FAM170A: variants seen among roughly 807,000 people sequenced by gnomAD.
The protein encoded by FAM170A is family with sequence similarity 170 member A.
FAM170A carries 28 observed loss-of-function variants against 36.6 expected under a neutral mutation model. That is an observed-to-expected ratio of 0.76 (90% CI 0.57 to 1.05). FAM170A has a LOEUF of 1.05. Ranked by LOEUF, FAM170A falls within the 50% of genes least tolerant of loss-of-function variation. The pLI is 0.00. For missense variants in FAM170A, 434 were observed against 396.5 expected (o/e 1.09, Z -0.80); for synonymous variants, 156 against 143.9 (o/e 1.08, Z -0.60).
At chr5:119,633,868 CCTGTCT>C in intron 2 of FAM170A, 86 bp from the exon 3 acceptor site, 1 of 1,484,234 alleles carries the variant, frequency 6.7e-7, no homozygotes, top group East Asian at 2.3e-5. Context: ...CACCACAGTC[CCTGTCT>C]CCTGCACCAC....
intron 1 of FAM170A, among the ~76,000 whole-genome samples, chr5:119,630,240 C>T (rs578061585): frequency 3.4e-4 from 46 of 133,982 alleles, no homozygotes; most frequent in Admixed American, 8.6e-4. Context: ...CTGCAAGCTC[C>T]GCCTCCCAGG....
chr5:119,633,977 C>A lies in FAM170A; in HGVS notation c.229C>A (p.Arg77=), dbSNP rs745479291. The A allele has an allele frequency of 6.2e-6, 10 of 1,610,896 alleles. No homozygotes were observed. The Admixed American group carries it at 1.7e-4, about 27-fold the overall frequency. Residue 77 remains arginine (R), a synonymous_variant, in exon 3 of 5, where the codon CGA becomes AGA. Coordinates refer to ENST00000613773, the Ensembl canonical transcript of FAM170A. ...TTTCCCAGGAATCCAGAGAATACAT[C>A]GAGACAGCCCCCAGCCTCAATCACC...
chr5:119,633,890 T>C, intron 2 of FAM170A, 70 bp from the exon 3 acceptor site: 2 of 1,543,704 alleles, frequency 1.3e-6, no homozygotes, highest in Non-Finnish European at 1.7e-6. Context: ...ACCACACATA[T>C]TTAACTTACG....
At chr5:119,629,982 C>G in intron 1 of FAM170A, 144 bp downstream of exon 1, 1 of 576,834 alleles carries the variant, frequency 1.7e-6, no homozygotes, top group African/African-American at 1.9e-5. Flanking sequence ...AGCTCTGCCT[C>G]TCGGGTTCAC....
At chr5:119,632,979 G>T (rs1384078919) in intron 2 of FAM170A, 91 bp downstream of exon 2, 1 of 1,398,812 alleles carries the variant, frequency 7.1e-7, no homozygotes, top group Non-Finnish European at 9.6e-7. Context: ...CTGTGGGCAT[G>T]AGACTCTTTG....
rs1756343183 is a variant in FAM170A, at chr5:119,634,741, A to C, written c.986+7A>C. 1.3e-6 allele frequency: 2 copies of C among 1,530,156 alleles called. No homozygotes were observed. Among genetic ancestry groups the C allele is most frequent in the African/African-American group, 2.8e-5 (2 of 72,152 alleles). 94.8% of individuals were successfully genotyped at this position (1,530,156 alleles called of 1,614,324 possible). On this transcript the variant is annotated splice_region_variant and intron_variant, in intron 3 of 4. Coordinates refer to ENST00000613773, the Ensembl canonical transcript of FAM170A. Reference sequence around the variant, plus strand: ...ATTCTCCAAAGGACAGGAAGTGAGCAAAGCCTGGGTTGTGGGTCTGCTGAG... The same window carrying C: ...ATTCTCCAAAGGACAGGAAGTGAGCCAAGCCTGGGTTGTGGGTCTGCTGAG...
Position 119,633,945 on chromosome 5 carries a change from A to T in FAM170A, c.212-15A>T. The T allele has an allele frequency of 6.3e-7, 1 of 1,599,686 alleles. No homozygotes were observed. The highest frequency in any genetic ancestry group is 2.2e-5 in the East Asian group (1 of 44,640). On this transcript the variant is annotated splice_polypyrimidine_tract_variant and intron_variant, in intron 2 of 4. Transcript: ENST00000613773. ...GGCCCATGCATCTGCTCATGTTTCT[A>T]ATTTCCTTTCCCAGGAATCCAGAGA...
At chr5:119,634,050 A>G (rs1271691455) in exon 3 of FAM170A, 3 of 1,613,920 alleles carry the variant, frequency 1.9e-6, no homozygotes, top group Non-Finnish European at 2.5e-6. Context: ...CGCTCACAAC[A>G]TGTCTCCTTG....
chr5:119,632,669 G>T lies in FAM170A; in HGVS notation c.71-79G>T, dbSNP rs930708918. On this transcript the variant is annotated intron_variant, in intron 1 of 4. Coordinates refer to ENST00000613773, the Ensembl canonical transcript of FAM170A. ...ACACCTGACATAGGTCAGCCACTCA[G>T]TAAATATTTGTTGGATGGTAAATGA... 2.9e-6 allele frequency: 4 copies of T among 1,377,290 alleles called. No homozygotes were observed. The East Asian group carries it at 9.6e-5, about 33-fold the overall frequency. 85.3% of individuals were successfully genotyped at this position (1,377,290 alleles called of 1,614,324 possible).
At chr5:119,630,297 G>A (rs1169295484) in intron 1 of FAM170A, among the ~76,000 whole-genome samples, 1 of 145,860 alleles carries the variant, frequency 6.9e-6, no homozygotes, top group Non-Finnish European at 1.5e-5. Context: ...TGGGACTATA[G>A]GCGCCCGCCA....
chr5:119,634,389 G>C, exon 3 of FAM170A: 1 of 1,614,166 alleles, frequency 6.2e-7, no homozygotes, highest in Non-Finnish European at 8.5e-7. Context: ...GACACACCCA[G>C]AGCCAAGACT....
intron 1 of FAM170A, among the ~76,000 whole-genome samples, chr5:119,631,484 T>G (rs1484703644): frequency 2.0e-5 from 3 of 152,160 alleles, no homozygotes; most frequent in Non-Finnish European, 4.4e-5. Flanking sequence ...CGGGGTGAAC[T>G]TCCTATCACC....
intron 1 of FAM170A, among the ~76,000 whole-genome samples, chr5:119,630,153 T>TTG (rs1374415534): frequency 8.1e-6 from 1 of 123,060 alleles, no homozygotes; most frequent in Non-Finnish European, 1.7e-5. Context: ...GGCCTCCTTT[T>TTG]TTTTTTTTTT....
chr5:119,634,969 A>G, intron 3 of FAM170A, 59 bp from the exon 4 acceptor site: 1 of 1,608,566 alleles, frequency 6.2e-7, no homozygotes, highest in African/African-American at 1.3e-5. Context: ...GGAAATTCTG[A>G]GAATTTCAAA....
chr5:119,631,008 C>T (rs955829034), intron 1 of FAM170A, among the ~76,000 whole-genome samples: 7 of 152,194 alleles, frequency 4.6e-5, no homozygotes, highest in African/African-American at 1.7e-4. Context: ...ACCAATTAAT[C>T]CAATAGAGTT....
In FAM170A at chr5:119,634,722, C is replaced by T. The variant is rs370764846; in HGVS notation, c.974C>T (p.Pro325Leu). 1 of 1,541,610 alleles carries T rather than the reference C, an allele frequency of 6.5e-7. No homozygotes were observed. Among genetic ancestry groups the T allele is most frequent in the Non-Finnish European group, 8.7e-7 (1 of 1,146,560 alleles). Residue 325 changes from proline (P) to leucine (L), a missense_variant, in exon 3 of 5, where the codon CCA becomes CTA. Transcript: ENST00000613773. Reference sequence around the variant, plus strand: ...TGTCCAGGCTGTGTGTTTCATTCTCCAAAGGACAGGAAGTGAGCAAAGCCT... The same window carrying T: ...TGTCCAGGCTGTGTGTTTCATTCTCTAAAGGACAGGAAGTGAGCAAAGCCT...
Position 119,634,572 on chromosome 5 carries a change from G to A in FAM170A, c.824G>A (p.Ser275Asn), listed in dbSNP as rs745889712. ...CTGACAGGCAACATGGAATCAGAGAGCACCCAAGATGAGCAGGAGGAGGAA... is the reference window on the plus strand; with the variant it reads ...CTGACAGGCAACATGGAATCAGAGAACACCCAAGATGAGCAGGAGGAGGAA... Residue 275 changes from serine to asparagine, a missense_variant, in exon 3 of 5, where the codon AGC becomes AAC. Coordinates refer to ENST00000613773, the Ensembl canonical transcript of FAM170A. 11 of 1,613,506 alleles carry A rather than the reference G, an allele frequency of 6.8e-6. No homozygotes were observed. The Admixed American group carries it at 1.5e-4, about 22-fold the overall frequency.
intron 1 of FAM170A, among the ~76,000 whole-genome samples, chr5:119,631,389 CTGTG>C (rs951380111): frequency 1.3e-5 from 2 of 152,028 alleles, no homozygotes; most frequent in Admixed American, 6.6e-5. Context: ...TTTTGTCTGC[CTGTG>C]TGTGTGTCTG....
chr5:119,634,998 G>T, intron 3 of FAM170A, 30 bp from the exon 4 acceptor site: 1 of 1,613,836 alleles, frequency 6.2e-7, no homozygotes, highest in Non-Finnish European at 8.5e-7. Flanking sequence ...TAACTAAGAA[G>T]TGTCTTTCTT....
Sources: gnomAD v4.1 joint callset for allele counts (sites outside exome capture counted in the v4.1 genomes callset) on GRCh38, gnomAD v4.1.1 for gene constraint, MANE v1.5 for transcripts, NCBI Gene and HGNC (gene_info 2026-07-23, HGNC 2026-07-21) for gene names.